PLPP3: variants seen among roughly 807,000 people sequenced by gnomAD.
PLPP3 encodes the protein phospholipid phosphatase 3, also known as PAP2 beta.
PLPP3 carries 6 observed loss-of-function variants against 29.6 expected under a neutral mutation model. The ratio of observed to expected loss-of-function variants is 0.20; its 90% CI spans 0.11 to 0.40. PLPP3 has a LOEUF of 0.40. PLPP3 is among the 10% of genes least tolerant of loss of function. The pLI is 1.00. For synonymous variants in PLPP3, 152 were observed against 159.7 expected (o/e 0.95, Z 0.36); for missense variants, 308 against 407.7 (o/e 0.76, Z 2.11).
At chr1:56,567,949 A>G (rs1646172502) in intron 1 of PLPP3, among the ~76,000 whole-genome samples, 1 of 152,246 alleles carries the variant, frequency 6.6e-6, no homozygotes. Context: ...ATAATGGAAT[A>G]TTATTTGACA....
Position 56,529,755 on chromosome 1 carries a change from C to T in PLPP3, c.298-5201G>A, listed in dbSNP as rs538637033. ...CTGTCACTTGGTTATCATCTTCAGCCTTTTTCAGAAGATCAGTGCCTCACT... is the reference window on the plus strand; with the variant it reads ...CTGTCACTTGGTTATCATCTTCAGCTTTTTTCAGAAGATCAGTGCCTCACT... On this transcript the variant is annotated intron_variant, in intron 2 of 5. Transcript: ENST00000371250. Among the ~76,000 whole-genome samples, 240 of 152,222 alleles carry T rather than the reference C, an allele frequency of 1.6e-3. 1 individual carries two copies. Among genetic ancestry groups the T allele is most frequent in the Middle Eastern group, 6.8e-3 (2 of 294 alleles).
chr1:56,576,804 G>C (rs1038657810), intron 1 of PLPP3, among the ~76,000 whole-genome samples: 2 of 152,174 alleles, frequency 1.3e-5, no homozygotes, highest in African/African-American at 4.8e-5. Context: ...ACATGCATAT[G>C]CACACACATG....
At chr1:56,517,664 C>T (rs546388095) in intron 4 of PLPP3, among the ~76,000 whole-genome samples, 4 of 152,282 alleles carry the variant, frequency 2.6e-5, no homozygotes, top group South Asian at 2.1e-4. Context: ...AGCACAGAAC[C>T]GCCTGGCTTC....
At chr1:56,546,941 C>G (rs1646009911) in intron 1 of PLPP3, among the ~76,000 whole-genome samples, 1 of 152,110 alleles carries the variant, frequency 6.6e-6, no homozygotes. Context: ...CAAAAACAAT[C>G]TTCTGATAGA....
chr1:56,563,237 AGGAAAGGG>A (rs1646142008), intron 1 of PLPP3, among the ~76,000 whole-genome samples: 2 of 152,210 alleles, frequency 1.3e-5, no homozygotes, highest in African/African-American at 2.4e-5. Flanking sequence ...AACTTCTTTT[AGGAAAGGG>A]AGAAAAGACC....
At chr1:56,547,423 C>T (rs527545649) in intron 1 of PLPP3, among the ~76,000 whole-genome samples, 3 of 152,278 alleles carry the variant, frequency 2.0e-5, no homozygotes, top group South Asian at 2.1e-4. Context: ...TCTCCCACAT[C>T]CCAAATCCTG....
chr1:56,563,839 G>A (rs1646145356), intron 1 of PLPP3, among the ~76,000 whole-genome samples: 1 of 152,164 alleles, frequency 6.6e-6, no homozygotes, highest in African/African-American at 2.4e-5. Context: ...CTAGCTCACT[G>A]CCTGCCACAT....
intron 1 of PLPP3, among the ~76,000 whole-genome samples, chr1:56,568,514 T>C (rs1425473733): frequency 1.2e-4 from 18 of 152,220 alleles, no homozygotes; most frequent in African/African-American, 7.2e-5. Context: ...CATTTACTAA[T>C]AGATTTCATA....
chr1:56,518,490 C>T (rs1448322795), intron 4 of PLPP3, among the ~76,000 whole-genome samples: 1 of 152,086 alleles, frequency 6.6e-6, no homozygotes, highest in Admixed American at 6.6e-5. Flanking sequence ...AGGCCCTTAG[C>T]AATCTATCAA....
At chr1:56,575,431 A>G (rs1646229094) in intron 1 of PLPP3, among the ~76,000 whole-genome samples, 1 of 152,220 alleles carries the variant, frequency 6.6e-6, no homozygotes, top group African/African-American at 2.4e-5. Flanking sequence ...AAAAACATCC[A>G]AAAACGTGGT....
At chr1:56,523,449 A>AT (rs1645832422) in intron 4 of PLPP3, among the ~76,000 whole-genome samples, 1 of 152,194 alleles carries the variant, frequency 6.6e-6, no homozygotes, top group East Asian at 1.9e-4. Context: ...AGGGTGGTGC[A>AT]AGAGTAAGTG....
At chr1:56,542,488 C>G (rs1645977355) in intron 1 of PLPP3, among the ~76,000 whole-genome samples, 1 of 152,072 alleles carries the variant, frequency 6.6e-6, no homozygotes. Context: ...ATCAGAGCAC[C>G]AGGAGGGGAC....
chr1:56,526,509 C>A (rs1469461969), intron 2 of PLPP3, among the ~76,000 whole-genome samples: 1 of 152,172 alleles, frequency 6.6e-6, no homozygotes, highest in Non-Finnish European at 1.5e-5. Flanking sequence ...TGTAACCTCA[C>A]AGGCAAACAA....
chr1:56,521,406 T>A (rs889772705), intron 4 of PLPP3, among the ~76,000 whole-genome samples: 3 of 152,172 alleles, frequency 2.0e-5, no homozygotes, highest in Admixed American at 1.3e-4. Context: ...CAAGATAACC[T>A]TAGAGCTAAA....
At chr1:56,545,850 T>C (rs776391364) in intron 1 of PLPP3, among the ~76,000 whole-genome samples, 2 of 152,004 alleles carry the variant, frequency 1.3e-5, no homozygotes, top group African/African-American at 4.8e-5. Flanking sequence ...AAGATCGAGA[T>C]AGTCAAAAGG....
At chr1:56,503,052 G>A (rs1645678760) in intron 5 of PLPP3, among the ~76,000 whole-genome samples, 1 of 152,088 alleles carries the variant, frequency 6.6e-6, no homozygotes, top group South Asian at 2.1e-4. Flanking sequence ...TACAGTAAGT[G>A]CTATCTAAAG....
intron 1 of PLPP3, among the ~76,000 whole-genome samples, chr1:56,573,396 CAAAA>C (rs1028553656): frequency 9.2e-5 from 14 of 151,978 alleles, no homozygotes; most frequent in African/African-American, 3.1e-4. Flanking sequence ...AACAAACAAA[CAAAA>C]AAAGTACAGA....
At position 56,557,774 on chromosome 1, in the gene PLPP3, T is replaced by C. The variant is rs183501574; in HGVS notation, c.140-20662A>G. Among the ~76,000 whole-genome samples, 114 of 152,314 alleles carry C rather than the reference T, an allele frequency of 7.5e-4. 1 individual carries two copies. Among genetic ancestry groups the C allele is most frequent in the Admixed American group, 1.8e-3 (28 of 15,306 alleles). ...GAAAGATAGCTTCTGAAACCAACTT[T>C]CGAGGGTTTTGAAATCTAAACCCTC... On this transcript the variant is annotated intron_variant, in intron 1 of 5. Transcript: ENST00000371250.
chr1:56,541,791 A>T (rs1645971194), intron 1 of PLPP3, among the ~76,000 whole-genome samples: 2 of 152,128 alleles, frequency 1.3e-5, no homozygotes, highest in Admixed American at 1.3e-4. Flanking sequence ...CCTCTGATGA[A>T]AAAGGCACTG....
Sources: allele counts gnomAD v4.1 joint callset (sites outside exome capture counted in the v4.1 genomes callset), GRCh38; gene constraint gnomAD v4.1.1; transcripts MANE v1.5; gene names NCBI Gene and HGNC (gene_info 2026-07-23, HGNC 2026-07-21).